The following PARN variants were observed in gnomAD, a reference collection of about 807,000 sequenced individuals.
PARN encodes poly(A)-specific ribonuclease PARN.
Under a neutral mutation model 102.8 loss-of-function variants are expected in PARN, and 71 were observed. The observed-to-expected ratio is 0.69, with a 90% CI of 0.57 to 0.84. The LOEUF (loss-of-function observed/expected upper bound fraction) is 0.84. Among genes scored for constraint, PARN ranks in the 40% least tolerant of loss-of-function variants. The pLI is 0.00. For missense variants in PARN, 782 were observed against 760.9 expected, an observed-to-expected ratio of 1.03 and a Z score of -0.33; for synonymous variants, 261 against 252.9, an observed-to-expected ratio of 1.03 and a Z score of -0.30.
In PARN at chr16:14,436,493, T is replaced by C; in HGVS notation, c.*224A>G. On this transcript the variant is annotated 3_prime_UTR_variant, in exon 24 of 24. Coordinates refer to ENST00000437198, the MANE Select transcript of PARN (RefSeq NM_002582.4). ...AAGCACGTACACATTCATGACAGCC[T>C]ACAACCGTGATGAGTGTCAATGTCA... 1 of 590,594 alleles carries C rather than the reference T, an allele frequency of 1.7e-6. No homozygotes were observed. The highest frequency in any genetic ancestry group is 3.0e-5 in the Admixed American group (1 of 33,266). The allele number at this position is 590,594 out of a possible 1,614,324, so 36.6% of individuals were successfully genotyped here.
chr16:14,555,719 G>A lies in PARN; in HGVS notation c.1263-10C>T. 2 of 1,440,298 alleles carry A rather than the reference G, an allele frequency of 1.4e-6. No homozygotes were observed. The highest frequency in any genetic ancestry group is 1.9e-6 in the Non-Finnish European group (2 of 1,060,376). 89.2% of individuals were successfully genotyped at this position (1,440,298 alleles called of 1,614,324 possible). ...CCTCATAAGAAATAACCTACAAGAA[G>A]AAAAGACAAACAAGTAATGGGCAAT... On this transcript the variant is annotated splice_polypyrimidine_tract_variant and intron_variant, in intron 18 of 23. Transcript: ENST00000437198.
intron 23 of PARN, among the ~76,000 whole-genome samples, chr16:14,438,516 A>G (rs1960811662): frequency 6.6e-6 from 1 of 151,622 alleles, no homozygotes; most frequent in Admixed American, 6.6e-5. Flanking sequence ...CTAACAGGAA[A>G]TAATGGAATA....
chr16:14,436,504 T>C lies in PARN; in HGVS notation c.*213A>G. 1.7e-6 allele frequency: 1 copy of C among 596,368 alleles called. No homozygotes were observed. Among genetic ancestry groups the C allele is most frequent in the Non-Finnish European group, 3.0e-6 (1 of 335,224 alleles). The allele number at this position is 596,368 out of a possible 1,614,324, so 36.9% of individuals were successfully genotyped here. A position where few individuals can be genotyped will look rare whatever the true frequency, so the allele number is the denominator to read the frequency against. ...CATTCATGACAGCCTACAACCGTGA[T>C]GAGTGTCAATGTCAACAGGCAGTTA... On this transcript the variant is annotated 3_prime_UTR_variant, in exon 24 of 24. Transcript: ENST00000437198.
chr16:14,444,815 T>C (rs780529478), intron 23 of PARN, among the ~76,000 whole-genome samples: 2 of 152,112 alleles, frequency 1.3e-5, no homozygotes, highest in Non-Finnish European at 2.9e-5. Context: ...ACTTCTCCAA[T>C]ACTTTTTCTT....
chr16:14,449,632 A>G (rs189125083), intron 22 of PARN, among the ~76,000 whole-genome samples: 1 of 152,336 alleles, frequency 6.6e-6, no homozygotes, highest in Admixed American at 6.5e-5. Context: ...CTAATAAATT[A>G]TAACTCAAAC....
At chr16:14,612,746 C>G (rs373389502) in intron 6 of PARN, among the ~76,000 whole-genome samples, 1 of 151,738 alleles carries the variant, frequency 6.6e-6, no homozygotes, top group Non-Finnish European at 1.5e-5. Context: ...TACAGGCGCC[C>G]GCCACCATAC....
intron 18 of PARN, among the ~76,000 whole-genome samples, chr16:14,578,889 A>G (rs1434499684): frequency 2.0e-5 from 3 of 152,238 alleles, no homozygotes; most frequent in Admixed American, 2.0e-4. Context: ...ATTCAAAATA[A>G]GCCTACACAT....
At chr16:14,619,748 G>A (rs1371806343) in intron 5 of PARN, among the ~76,000 whole-genome samples, 1 of 151,430 alleles carries the variant, frequency 6.6e-6, no homozygotes, top group Non-Finnish European at 1.5e-5. Flanking sequence ...CAGCGTGGGT[G>A]ACAGAACAAG....
At chr16:14,449,325 T>C (rs1489199644) in intron 22 of PARN, among the ~76,000 whole-genome samples, 2 of 152,074 alleles carry the variant, frequency 1.3e-5, no homozygotes, top group African/African-American at 4.8e-5. Context: ...AAGGATAAAA[T>C]TAGAACCATT....
intron 21 of PARN, among the ~76,000 whole-genome samples, chr16:14,533,024 A>C (rs1966435669): frequency 6.6e-6 from 1 of 152,108 alleles, no homozygotes; most frequent in South Asian, 2.1e-4. Context: ...CAGAGGCTGC[A>C]ATCTCAGCAC....
At chr16:14,505,048 C>T (rs1009267114) in intron 21 of PARN, among the ~76,000 whole-genome samples, 2 of 152,176 alleles carry the variant, frequency 1.3e-5, no homozygotes, top group Admixed American at 1.3e-4. Context: ...CAGGGAAAGT[C>T]TTACTGATAA....
chr16:14,458,202 T>G lies in PARN; in HGVS notation c.1671-11121A>C, dbSNP rs147464400. On this transcript the variant is annotated intron_variant, in intron 22 of 23. Transcript: ENST00000437198. ...CTACATTAATAATAATTTCTAAATG[T>G]AAAATATATTATCAATATACAATTA... Among the ~76,000 whole-genome samples, 504 of 152,302 alleles carry G rather than the reference T, an allele frequency of 3.3e-3. 8 individuals are homozygous for G. Among genetic ancestry groups the G allele is most frequent in the East Asian group, 0.025 (130 of 5,186 alleles).
intron 21 of PARN, among the ~76,000 whole-genome samples, chr16:14,542,570 A>T (rs963529466): frequency 6.6e-6 from 1 of 151,038 alleles, no homozygotes. Context: ...AAAAAATTAA[A>T]AAAAAAAAGA....
intron 22 of PARN, among the ~76,000 whole-genome samples, chr16:14,465,596 T>A (rs1232643659): frequency 6.6e-6 from 1 of 152,208 alleles, no homozygotes; most frequent in East Asian, 1.9e-4. Context: ...AAGAAAATAT[T>A]ATATATCCTA....
intron 10 of PARN, among the ~76,000 whole-genome samples, chr16:14,605,828 T>C (rs527889432): frequency 1.3e-5 from 2 of 152,314 alleles, no homozygotes; most frequent in African/African-American, 4.8e-5. Flanking sequence ...AAATTTAATT[T>C]TGTCTGCCCA....
At chr16:14,444,449 T>TA (rs1961099968) in intron 23 of PARN, among the ~76,000 whole-genome samples, 1 of 152,178 alleles carries the variant, frequency 6.6e-6, no homozygotes, top group Admixed American at 6.5e-5. Context: ...TTCAAAACCC[T>TA]AAATAACTTA....
Position 14,630,218 on chromosome 16 carries a change from T to C in PARN, c.-93A>G. Reference sequence around the variant, plus strand: ...ATTCCGCGGCGACTGCGGCAGTAGCTGAGGCAGCCGCAGCGGTGACGCCGG... The same window carrying C: ...ATTCCGCGGCGACTGCGGCAGTAGCCGAGGCAGCCGCAGCGGTGACGCCGG... On this transcript the variant is annotated 5_prime_UTR_variant, in exon 1 of 24. Coordinates refer to ENST00000437198, the MANE Select transcript of PARN (RefSeq NM_002582.4). 8.7e-7 allele frequency: 1 copy of C among 1,151,050 alleles called. No individual in the cohort carries two copies. Among genetic ancestry groups the C allele is most frequent in the South Asian group, 1.4e-5 (1 of 71,890 alleles). The allele number at this position is 1,151,050 out of a possible 1,614,324, so 71.3% of individuals were successfully genotyped here.
intron 7 of PARN, 45 bp from the exon 8 acceptor site, chr16:14,609,168 T>C (rs999399360): frequency 1.1e-6 from 1 of 911,572 alleles, no homozygotes; most frequent in Non-Finnish European, 1.7e-6. Flanking sequence ...CTTTAAGGAA[T>C]GAAGTCATCA....
intron 21 of PARN, among the ~76,000 whole-genome samples, chr16:14,494,577 A>T (rs536395490): frequency 6.6e-6 from 1 of 152,346 alleles, no homozygotes; most frequent in African/African-American, 2.4e-5. Context: ...AGAGGAACAC[A>T]GTCTAGACTA....
Sources: gnomAD v4.1 joint callset for allele counts (sites outside exome capture counted in the v4.1 genomes callset) on GRCh38, gnomAD v4.1.1 for gene constraint, MANE v1.5 for transcripts, NCBI Gene and HGNC (gene_info 2026-07-23, HGNC 2026-07-21) for gene names.